AIPL1: variants seen among roughly 807,000 people sequenced by gnomAD.
AIPL1 encodes the protein aryl-hydrocarbon-interacting protein-like 1.
Under a neutral mutation model 32.9 loss-of-function variants are expected in AIPL1, and 23 were observed. The ratio of observed to expected loss-of-function variants is 0.70; its 90% confidence interval spans 0.50 to 0.99. The LOEUF is 0.99. Ranked by LOEUF, AIPL1 falls within the 50% of genes least tolerant of loss-of-function variation. The pLI is 0.00. For synonymous variants in AIPL1, 210 were observed against 209.4 expected (o/e 1.00, Z -0.02); for missense variants, 485 against 506.0 (o/e 0.96, Z 0.40).
In AIPL1 at chr17:6,429,088, G is replaced by A. The variant is rs574151015; in HGVS notation, c.277-582C>T. Among the ~76,000 whole-genome samples the A allele has an allele frequency of 9.8e-5, 15 of 152,330 alleles. No individual in the cohort carries two copies. In the East Asian group the frequency reaches 2.9e-3, roughly 29 times the overall value. On this transcript the variant is annotated intron_variant, in intron 2 of 5. Transcript: ENST00000381129. Reference sequence around the variant, plus strand: ...GCTCCTGTTCGATATTAGGGCTGCTGTAGGGATTAAATGAGATGGTGCAGA... The same window carrying A: ...GCTCCTGTTCGATATTAGGGCTGCTATAGGGATTAAATGAGATGGTGCAGA...
chr17:6,429,745 C>T (rs75603696), intron 2 of AIPL1, among the ~76,000 whole-genome samples: 3,051 of 152,254 alleles, frequency 0.02, 111 homozygotes, highest in African/African-American at 0.07. Context: ...GCCTGTTTCA[C>T]TCCTAACATA....
intron 2 of AIPL1, 37 bp from the exon 3 acceptor site, chr17:6,428,543 C>T (rs1423402968): frequency 9.4e-6 from 15 of 1,602,766 alleles, no homozygotes; most frequent in Non-Finnish European, 1.3e-5. Flanking sequence ...TCCAGGCTAC[C>T]TGCCCAGAGC....
rs779454542 is a variant in AIPL1 at position 6,425,771 on chromosome 17, C to T, written c.844G>A (p.Glu282Lys). 1.2e-6 allele frequency: 2 copies of T among 1,606,698 alleles called. No individual in the cohort carries two copies. Among genetic ancestry groups the T allele is most frequent in the East Asian group, 4.5e-5 (2 of 44,858 alleles). Residue 282 changes from glutamate (E) to lysine (K), a missense_variant, in exon 6 of 6, where the codon GAG becomes AAG. By Grantham distance (56) the Glu-to-Lys change is moderately conservative. Coordinates refer to ENST00000381129, the MANE Select transcript of AIPL1 (RefSeq NM_014336.5). ...ACTTTCTGGAGGTCCGCCTTGGCCT[C>T]GGCCTCATTCCACACCTCTGCGTGA... ...RAHAEVWNEA[E>K]AKADLQKVLE...
intron 2 of AIPL1, among the ~76,000 whole-genome samples, chr17:6,433,679 C>T (rs1254453246): frequency 6.6e-6 from 1 of 150,640 alleles, no homozygotes; most frequent in African/African-American, 2.4e-5. Flanking sequence ...TGAAGTGGGC[C>T]AGCTCACTCC....
chr17:6,432,854 C>A (rs1320136674), intron 2 of AIPL1, among the ~76,000 whole-genome samples: 1 of 152,212 alleles, frequency 6.6e-6, no homozygotes, highest in African/African-American at 2.4e-5. Flanking sequence ...TGGTCTCCAA[C>A]TCCTGACCTC....
chr17:6,433,772 C>T, intron 2 of AIPL1, 147 bp downstream of exon 2: 1 of 1,048,234 alleles, frequency 9.5e-7, no homozygotes, highest in Non-Finnish European at 1.4e-6. Context: ...TCTTCACATG[C>T]ACAGCGGTGG....
intron 2 of AIPL1, among the ~76,000 whole-genome samples, chr17:6,432,564 C>A (rs76045441): frequency 6.6e-6 from 1 of 151,530 alleles, no homozygotes; most frequent in Non-Finnish European, 1.5e-5. Flanking sequence ...GGATATTAGA[C>A]GGCTTTAAGG....
At position 6,428,390 on chromosome 17, in the gene AIPL1, C is replaced by G. The variant is rs1179777392; in HGVS notation, c.393G>C (p.Thr131=). 3 of 1,612,976 alleles carry G rather than the reference C, an allele frequency of 1.9e-6. No individual in the cohort carries two copies. The highest frequency in any genetic ancestry group is 1.7e-6 in the Non-Finnish European group (2 of 1,180,044). ...GCTCGTCCAGGTCCTCGTAGCCCAG[C>G]GTGTGGTAGGCGAACATGTTGGCCA... ...CGLANMFAYH[T]LGYEDLDELQ... The change falls in exon 3 of 6, where the codon ACG becomes ACC. Residue 131 remains threonine, a synonymous_variant. Coordinates refer to ENST00000381129, the MANE Select transcript of AIPL1 (RefSeq NM_014336.5).
intron 2 of AIPL1, among the ~76,000 whole-genome samples, chr17:6,431,550 CA>C (rs1392046668): frequency 1.2e-4 from 18 of 152,252 alleles, no homozygotes; most frequent in African/African-American, 4.3e-4. Flanking sequence ...ATGTAATCTC[CA>C]AAACAACCCC....
At chr17:6,431,944 C>A (rs1002084036) in intron 2 of AIPL1, among the ~76,000 whole-genome samples, 1 of 152,184 alleles carries the variant, frequency 6.6e-6, no homozygotes, top group African/African-American at 2.4e-5. Context: ...GCCCTCTAGA[C>A]CCCACTTTCA....
rs139477088 is a variant in AIPL1 at position 6,428,198 on chromosome 17, G to A, written c.465+120C>T. The A allele has an allele frequency of 7.5e-4, 839 of 1,125,340 alleles. 6 individuals carry two copies. In the African/African-American group the frequency reaches 0.011, roughly 15 times the overall value. 69.7% of individuals were successfully genotyped at this position (1,125,340 alleles called of 1,614,324 possible). On this transcript the variant is annotated intron_variant, in intron 3 of 5. Coordinates refer to ENST00000381129, the MANE Select transcript of AIPL1 (RefSeq NM_014336.5). ...TCTCCCATGGCTTATGAACCCTCTC[G>A]TATTATCTAAACAGAAACAGGGCAC...
rs1403472603 is a variant in AIPL1, at chr17:6,435,027, G to A, written c.78C>T (p.Asn26=). 3.7e-6 allele frequency: 6 copies of A among 1,614,224 alleles called. No homozygotes were observed. The Middle Eastern group carries it at 6.6e-4, about 178-fold the overall frequency. The change falls in exon 1 of 6, where the codon AAC becomes AAT. Residue 26 remains asparagine (N), a synonymous_variant. Coordinates refer to ENST00000381129, the MANE Select transcript of AIPL1 (RefSeq NM_014336.5). ...CACTCACTCGGGATCCGGTGATGAA[G>A]TTTGGGAGCTCGCCCGTGCCCCCGT... The part of the protein sequence containing the change: ...ILHGGTGELP[N]FITGSRVIFH...
At chr17:6,426,009 G>C in intron 5 of AIPL1, 179 bp from the exon 6 acceptor site, 1 of 1,029,962 alleles carries the variant, frequency 9.7e-7, no homozygotes, top group Non-Finnish European at 1.4e-6. Context: ...CATAATAGCA[G>C]TACCTCCTCC....
At chr17:6,434,938 C>A (rs1240538574) in intron 1 of AIPL1, 71 bp downstream of exon 1, 1 of 1,609,560 alleles carries the variant, frequency 6.2e-7, no homozygotes, top group Non-Finnish European at 8.5e-7. Flanking sequence ...GTTTACAGTG[C>A]CTTGGGGCAC....
In AIPL1 at chr17:6,426,621, G is replaced by A; in HGVS notation, c.778C>T (p.His260Tyr). 6.2e-7 allele frequency: 1 copy of A among 1,613,926 alleles called. No homozygotes were observed. The highest frequency in any genetic ancestry group is 2.2e-5 in the East Asian group (1 of 44,880). ...CCCCTGCAGCCCCGCGCACCTGGGT[G>A]GTGCCGGAGAATATCACTGGTGTGC... ...LEHTSDILRHHPGIVKAYYVR... is the reference protein window; with the variant it reads ...LEHTSDILRHYPGIVKAYYVR... The change falls in exon 5 of 6, where the codon CAC becomes TAC. Residue 260 changes from histidine (H) to tyrosine (Y), a missense_variant. By Grantham distance (83) the His-to-Tyr change is moderately conservative (BLOSUM62 2). Transcript: ENST00000381129.
rs756280502 is a variant in AIPL1 at position 6,426,760 on chromosome 17, C to T, written c.643-4G>A. ...ACTGCACCTCCCATGGCTTCTCCTGCCCAGGGAGAAGGTCAGCCATGACCT... is the reference window on the plus strand; with the variant it reads ...ACTGCACCTCCCATGGCTTCTCCTGTCCAGGGAGAAGGTCAGCCATGACCT... On this transcript the variant is annotated splice_polypyrimidine_tract_variant and splice_region_variant and intron_variant, in intron 4 of 5. Coordinates refer to ENST00000381129, the MANE Select transcript of AIPL1 (RefSeq NM_014336.5). 7 of 1,613,356 alleles carry T rather than the reference C, an allele frequency of 4.3e-6. No individual in the cohort carries two copies. Among genetic ancestry groups the T allele is most frequent in the South Asian group, 1.1e-5 (1 of 91,078 alleles).
intron 3 of AIPL1, among the ~76,000 whole-genome samples, chr17:6,428,012 G>C (rs1170115141): frequency 6.6e-6 from 1 of 152,096 alleles, no homozygotes; most frequent in Non-Finnish European, 1.5e-5. Context: ...TAGAGACGGG[G>C]TTTTACCATG....
chr17:6,431,500 T>C (rs116620674), intron 2 of AIPL1, among the ~76,000 whole-genome samples: 349 of 152,296 alleles, frequency 2.3e-3, no homozygotes, highest in African/African-American at 8.1e-3. Flanking sequence ...CTCTCATTTT[T>C]AATTGCCCTG....
Position 6,424,990 on chromosome 17 carries a change from A to G in AIPL1, c.*470T>C, listed in dbSNP as rs1911763159. On this transcript the variant is annotated 3_prime_UTR_variant, in exon 6 of 6. Transcript: ENST00000381129. The stretch of plus-strand genomic sequence containing the variant: ...CCCACCCTACATCAAGACCCACTAA[A>G]GTCAGTGGGATTCTAGAGAGCTCTA... The G allele has an allele frequency of 6.5e-6, 1 of 154,548 alleles. No individual in the cohort carries two copies. The highest frequency in any genetic ancestry group is 1.4e-5 in the Non-Finnish European group (1 of 69,618). 9.6% of individuals were successfully genotyped at this position (154,548 alleles called of 1,614,324 possible).
Sources: gnomAD v4.1 joint callset for allele counts (sites outside exome capture counted in the v4.1 genomes callset) on GRCh38, gnomAD v4.1.1 for gene constraint, MANE v1.5 for transcripts, NCBI Gene and HGNC (gene_info 2026-07-23, HGNC 2026-07-21) for gene names.